Variants in SLC25A43 observed in about 807,000 individuals in gnomAD.
SLC25A43 encodes the protein solute carrier family 25, member 43.
SLC25A43 carries 10 observed loss-of-function variants against 22.8 expected under a neutral mutation model. The observed-to-expected ratio is 0.44, with a 90% CI of 0.27 to 0.74. The LOEUF is 0.74. SLC25A43 is among the 30% of genes least tolerant of loss of function. SLC25A43 has a pLI of 0.17. For missense variants in SLC25A43, 233 were observed against 279.1 expected, an observed-to-expected ratio of 0.83 and a Z score of 1.18; for synonymous variants, 106 against 121.6, an observed-to-expected ratio of 0.87 and a Z score of 0.84.
chrX:119,432,370 G>A lies in SLC25A43; in HGVS notation c.691-19639G>A, dbSNP rs149592134. The stretch of plus-strand genomic sequence containing the variant: ...CAGATGAATTGAAATGATGTCTCGT[G>A]GGGGTAGAGATGAAAGAAGATTGGC... On this transcript the variant is annotated intron_variant, in intron 3 of 4. Coordinates refer to ENST00000217909, the MANE Select transcript of SLC25A43 (RefSeq NM_145305.3). 5.7e-3 allele frequency among the ~76,000 whole-genome samples: 636 copies of A among 111,897 alleles called. 6 individuals are homozygous for A. Among genetic ancestry groups the A allele is most frequent in the African/African-American group, 0.02 (613 of 30,868 alleles).
At chrX:119,410,446 CA>C in intron 3 of SLC25A43, 84 bp downstream of exon 3, 1 of 1,002,368 alleles carries the variant, frequency 1.0e-6, no homozygotes, top group Admixed American at 2.4e-5. Flanking sequence ...ACACTGACCC[CA>C]AGTGATGCCA....
At position 119,446,786 on chromosome X, in the gene SLC25A43, AG is replaced by A. The variant is rs756340387; in HGVS notation, c.691-5222del. On this transcript the variant is annotated intron_variant, in intron 3 of 4. Transcript: ENST00000217909. Reference sequence around the variant, plus strand: ...ATTCATTGAGCACCAGTCATGTGTCAGCTGCTGCTTAAGGCACTAGAGATAC... The same window carrying A: ...ATTCATTGAGCACCAGTCATGTGTCACTGCTGCTTAAGGCACTAGAGATAC... Among the ~76,000 whole-genome samples, 278 of 112,364 alleles carry A rather than the reference AG, an allele frequency of 2.5e-3. 2 individuals are homozygous for A. Among genetic ancestry groups the A allele is most frequent in the African/African-American group, 8.4e-3 (261 of 30,959 alleles).
intron 3 of SLC25A43, among the ~76,000 whole-genome samples, chrX:119,432,958 A>G (rs182937820): frequency 1.3e-4 from 14 of 108,902 alleles, no homozygotes; most frequent in African/African-American, 3.7e-4. Context: ...AAAATACAAA[A>G]AAAATAGCCG....
intron 3 of SLC25A43, among the ~76,000 whole-genome samples, chrX:119,417,508 C>T (rs749842032): frequency 1.4e-4 from 15 of 108,553 alleles, no homozygotes; most frequent in African/African-American, 5.1e-4. Context: ...CCCAGTCTTC[C>T]CCATAAACCT....
chrX:119,452,874 T>C lies in SLC25A43; in HGVS notation c.835T>C (p.Tyr279His), dbSNP rs2052716678. 2 of 1,205,814 alleles carry C rather than the reference T, an allele frequency of 1.7e-6. No individual in the cohort carries two copies. Among genetic ancestry groups the C allele is most frequent in the Admixed American group, 2.2e-5 (1 of 45,416 alleles). The change falls in exon 5 of 5, where the codon TAT becomes CAT. Residue 279 changes from tyrosine (Y) to histidine (H), a missense_variant. Tyr to His is a moderately conservative substitution (Grantham distance 83). Coordinates refer to ENST00000217909, the MANE Select transcript of SLC25A43 (RefSeq NM_145305.3). ...TTTTTGGTTTTAACAGATAGTTCCA[T>C]ATTTTGGAATTATGTTTAGCACCTT... ...LTANLLKIVP[Y>H]FGIMFSTFEF... is the part of the protein sequence containing the mutation.
rs1247949479 is a variant in SLC25A43, at chrX:119,452,846, T to C, written c.826-19T>C. On this transcript the variant is annotated intron_variant, in intron 4 of 4. Transcript: ENST00000217909. ...TCTTTTTAAGAACTTAACTTGATTTTCATTTTTGGTTTTAACAGATAGTTC... is the reference window on the plus strand; with the variant it reads ...TCTTTTTAAGAACTTAACTTGATTTCCATTTTTGGTTTTAACAGATAGTTC... 7 of 1,179,289 alleles carry C rather than the reference T, an allele frequency of 5.9e-6. No homozygotes were observed. The South Asian group carries it at 9.2e-5, about 16-fold the overall frequency.
intron 3 of SLC25A43, among the ~76,000 whole-genome samples, chrX:119,416,249 T>C (rs1181117208): frequency 9.1e-6 from 1 of 109,647 alleles, no homozygotes; most frequent in Middle Eastern, 4.2e-3. Flanking sequence ...AAATGGAGTC[T>C]CGCTCTGTCG....
At chrX:119,434,715 G>C (rs748503458) in intron 3 of SLC25A43, 2 of 109,093 alleles carry the variant, frequency 1.8e-5, no homozygotes, top group African/African-American at 6.7e-5. Flanking sequence ...GGCCCAGGTT[G>C]GAAACAGCAG....
At chrX:119,429,359 A>G (rs961942161) in intron 3 of SLC25A43, among the ~76,000 whole-genome samples, 14 of 111,826 alleles carry the variant, frequency 1.3e-4, no homozygotes, top group Non-Finnish European at 2.1e-4. Flanking sequence ...TGTGTTTTAC[A>G]TCTTTATAAA....
intron 3 of SLC25A43, among the ~76,000 whole-genome samples, chrX:119,427,294 T>C (rs2052515192): frequency 8.9e-6 from 1 of 111,854 alleles, no homozygotes; most frequent in Admixed American, 9.5e-5. Flanking sequence ...CTTTTCTTCG[T>C]CCAAGCTGAA....
chrX:119,428,122 C>T (rs1027839331), intron 3 of SLC25A43, among the ~76,000 whole-genome samples: 2 of 111,921 alleles, frequency 1.8e-5, no homozygotes, highest in African/African-American at 6.5e-5. Flanking sequence ...CAGCAGCACA[C>T]TACATACACT....
At chrX:119,426,362 T>G (rs1401563217) in intron 3 of SLC25A43, 2 of 406,924 alleles carry the variant, frequency 4.9e-6, no homozygotes, top group African/African-American at 5.5e-5. Flanking sequence ...AGGGTAAGAA[T>G]GGTGCCTACC....
chrX:119,428,192 C>T (rs1027187630), intron 3 of SLC25A43, among the ~76,000 whole-genome samples: 4 of 112,133 alleles, frequency 3.6e-5, no homozygotes, highest in African/African-American at 1.3e-4. Context: ...CGGTGGCTCA[C>T]GCCTGCAATC....
intron 3 of SLC25A43, among the ~76,000 whole-genome samples, chrX:119,412,674 C>G (rs965264918): frequency 1.8e-5 from 2 of 112,070 alleles, no homozygotes; most frequent in Non-Finnish European, 3.8e-5. Context: ...CTGGGCCCAG[C>G]CAACATTTGG....
chrX:119,445,108 C>T (rs1041096547), intron 3 of SLC25A43, among the ~76,000 whole-genome samples: 5 of 98,256 alleles, frequency 5.1e-5, no homozygotes, highest in Non-Finnish European at 1.0e-4. Context: ...GTAGAAGAGA[C>T]AAGGGTTCCA....
At chrX:119,402,067 G>A (rs887947016) in intron 1 of SLC25A43, among the ~76,000 whole-genome samples, 3 of 111,968 alleles carry the variant, frequency 2.7e-5, no homozygotes, top group Non-Finnish European at 3.8e-5. Context: ...GATTAATCGC[G>A]ATGCCATCCT....
At chrX:119,431,432 G>A (rs754906433) in intron 3 of SLC25A43, among the ~76,000 whole-genome samples, 7 of 108,817 alleles carry the variant, frequency 6.4e-5, no homozygotes, top group Admixed American at 3.0e-4. Flanking sequence ...AGAATCGCTT[G>A]AACCTGGGAG....
At chrX:119,421,768 T>C (rs1016609544) in intron 3 of SLC25A43, among the ~76,000 whole-genome samples, 3 of 112,040 alleles carry the variant, frequency 2.7e-5, no homozygotes, top group African/African-American at 9.7e-5. Flanking sequence ...TCCAGCCCAC[T>C]TCAGAGGGGA....
Position 119,399,543 on chromosome X carries a change from G to A in SLC25A43, c.140G>A (p.Gly47Asp). 2.8e-6 allele frequency: 3 copies of A among 1,078,849 alleles called. No individual in the cohort carries two copies. In the South Asian group the frequency reaches 7.0e-5, roughly 25 times the overall value. The allele number at this position is 1,078,849 out of a possible 1,213,427, so 88.9% of individuals were successfully genotyped here. The part of the protein sequence containing the change: ...TVLAQVGVVR[G>D]HARGPWATGH... ...CTGGCCCAGGTTGGCGTCGTGCGAG[G>A]CCACGCCCGGGGACCGTGGGCCACA... Residue 47 changes from glycine to aspartate, a missense_variant, in exon 1 of 5, where the codon GGC becomes GAC. Physicochemically the swap from Gly to Asp is moderately conservative, Grantham distance 94. Coordinates refer to ENST00000217909, the MANE Select transcript of SLC25A43 (RefSeq NM_145305.3).
Sources: allele counts gnomAD v4.1 joint callset (sites outside exome capture counted in the v4.1 genomes callset), GRCh38; gene constraint gnomAD v4.1.1; transcripts MANE v1.5; gene names NCBI Gene and HGNC (gene_info 2026-07-23, HGNC 2026-07-21).